The following IQCH variants were observed in gnomAD, a reference collection of about 807,000 sequenced individuals.
IQCH encodes the protein IQ domain-containing protein H.
In IQCH, 98 loss-of-function variants were observed where a neutral mutation model predicts 117.0. The ratio of observed to expected loss-of-function variants is 0.84; its 90% CI spans 0.71 to 0.99. The LOEUF (loss-of-function observed/expected upper bound fraction) is 0.99, where lower values mean the gene tolerates loss of function less well. Ranked by LOEUF, IQCH falls within the 50% of genes least tolerant of loss-of-function variation. The pLI is 0.00. For synonymous variants in IQCH, 412 were observed against 448.2 expected, an observed-to-expected ratio of 0.92 and a Z score of 1.02; for missense variants, 1,102 against 1,243.8, an observed-to-expected ratio of 0.89 and a Z score of 1.72.
chr15:67,380,383 A>G (rs573798482), intron 10 of IQCH, among the ~76,000 whole-genome samples: 30 of 152,300 alleles, frequency 2.0e-4, no homozygotes, highest in Admixed American at 2.6e-4. Flanking sequence ...TAGCCCCCCA[A>G]AAAACCAACT....
rs1411288628 is a variant in IQCH, at chr15:67,493,501, ACT to A, written c.2862-753_2862-752del. 7.2e-5 allele frequency among the ~76,000 whole-genome samples: 11 copies of A among 152,280 alleles called. No homozygotes were observed. ...ATTCTCCTCTGAACATAGGCAGGACACTCTCATTAAGTGATAGGAATCACTTG... is the reference window on the plus strand; with the variant it reads ...ATTCTCCTCTGAACATAGGCAGGACACTCATTAAGTGATAGGAATCACTTG... On this transcript the variant is annotated intron_variant, in intron 19 of 20. Coordinates refer to ENST00000335894, the MANE Select transcript of IQCH (RefSeq NM_001031715.3). This position sits in a 1 kb window ranked among gnomAD's most constrained non-coding sequence, Gnocchi z 5.1.
rs1360019473 is a variant in IQCH at position 67,388,836 on chromosome 15, A to G, written c.1462A>G (p.Asn488Asp). 6.2e-7 allele frequency: 1 copy of G among 1,612,396 alleles called. No homozygotes were observed. Among genetic ancestry groups the G allele is most frequent in the African/African-American group, 1.3e-5 (1 of 74,890 alleles). The stretch of plus-strand genomic sequence containing the variant: ...ATTGTGCCTGTTGTTTTTAGATGCC[A>G]ATGTGAATGTCATCTACATCTGCTC... ...LGRLCDILDA[N>D]VNVIYICSHH... Residue 488 changes from asparagine to aspartate, a missense_variant, in exon 12 of 21, where the codon AAT (asparagine) becomes GAT (aspartate). By Grantham distance (23) the Asn-to-Asp change is conservative. Coordinates refer to ENST00000335894, the MANE Select transcript of IQCH (RefSeq NM_001031715.3). The surrounding 1 kb of genome is among the most constrained non-coding windows in gnomAD (Gnocchi z 5.5).
rs866178149 is a variant in IQCH, at chr15:67,396,041, T to C, written c.1905+478T>C. ...TAGTCTTGCAGAAATTGCTGGAATT[T>C]CCAAACTATTTACTCATTTGGAATA... On this transcript the variant is annotated intron_variant, in intron 13 of 20. Transcript: ENST00000335894. Among the ~76,000 whole-genome samples the C allele has an allele frequency of 5.4e-4, 82 of 152,324 alleles. 1 individual carries two copies. Among genetic ancestry groups the C allele is most frequent in the African/African-American group, 1.9e-3 (77 of 41,574 alleles).
intron 10 of IQCH, among the ~76,000 whole-genome samples, chr15:67,378,839 T>C (rs1970824958): frequency 6.6e-6 from 1 of 152,118 alleles, no homozygotes; most frequent in Admixed American, 6.6e-5. Context: ...TTTACACTCA[T>C]AAAAAATATT....
chr15:67,282,542 A>T (rs570381752), intron 4 of IQCH, among the ~76,000 whole-genome samples: 2 of 152,260 alleles, frequency 1.3e-5, no homozygotes, highest in South Asian at 2.1e-4. Flanking sequence ...TTGTTGTTGT[A>T]TATCTAATAT....
chr15:67,299,694 A>G (rs11071946), intron 4 of IQCH, among the ~76,000 whole-genome samples: 151,969 of 152,264 alleles, frequency 1, 75,837 homozygotes, highest in Non-Finnish European at 1. Context: ...CAATCCCATG[A>G]TGCCATTTTA....
At chr15:67,281,798 C>G in intron 4 of IQCH, 1 of 454,344 alleles carries the variant, frequency 2.2e-6, no homozygotes, top group Non-Finnish European at 4.4e-6. Context: ...ATTTTTATTT[C>G]CTTCACAGAG....
At chr15:67,373,181 C>T (rs1175029788) in intron 9 of IQCH, among the ~76,000 whole-genome samples, 186 bp from the exon 10 acceptor site, 1 of 152,144 alleles carries the variant, frequency 6.6e-6, no homozygotes, top group Non-Finnish European at 1.5e-5. Flanking sequence ...CTCTAATCTT[C>T]CCCTGCCAGT....
intron 15 of IQCH, among the ~76,000 whole-genome samples, chr15:67,419,899 T>C (rs1246688467): frequency 1.3e-5 from 2 of 152,326 alleles, no homozygotes; most frequent in Admixed American, 1.3e-4. Context: ...ACCCAAGTAA[T>C]CTTGTAAGTT....
In IQCH at chr15:67,385,040, C is replaced by T. The variant is rs3743351; in HGVS notation, c.1456+21C>T. 46 of 1,403,040 alleles carry T rather than the reference C, an allele frequency of 3.3e-5. No homozygotes were observed. The East Asian group carries it at 1.1e-3, about 32-fold the overall frequency. The allele number at this position is 1,403,040 out of a possible 1,614,324, so 86.9% of individuals were successfully genotyped here. On this transcript the variant is annotated intron_variant, in intron 11 of 20. Transcript: ENST00000335894. The surrounding 1 kb of genome is among the most constrained non-coding windows in gnomAD (Gnocchi z 4.6). ...CTTAGGTACAGTAAATAGTTTTACA[C>T]AAATGACTCTTTGGAATGTTTATCA... is the stretch of plus-strand genomic sequence containing the variant.
chr15:67,494,208 C>A lies in IQCH; in HGVS notation c.2862-50C>A. ...AAATGAGAGGGCGATTGTTTTTAAG[C>A]ATGTGAAGGGAATCGTTGGTAAACT... On this transcript the variant is annotated intron_variant, in intron 19 of 20. Transcript: ENST00000335894. The surrounding 1 kb of genome is among the most constrained non-coding windows in gnomAD (Gnocchi z 5.5). The A allele has an allele frequency of 2.3e-6, 3 of 1,327,362 alleles. No individual in the cohort carries two copies. The highest frequency in any genetic ancestry group is 1.4e-5 in the South Asian group (1 of 71,756). 82.2% of individuals were successfully genotyped at this position (1,327,362 alleles called of 1,614,324 possible).
At chr15:67,270,642 G>T (rs1965859934) in intron 3 of IQCH, among the ~76,000 whole-genome samples, 1 of 152,126 alleles carries the variant, frequency 6.6e-6, no homozygotes. Flanking sequence ...CTCTCTTGCT[G>T]CTTCTCTCAC....
rs1596215699 is a variant in IQCH at position 67,340,441 on chromosome 15, A to AC, written c.508+3346_508+3347insC. ...TACTCCATCTCAAAAAAAAAAAAAA[A>AC]AAAAAAAAAAAAAAAAAAAAAAACA... On this transcript the variant is annotated intron_variant, in intron 5 of 20. Transcript: ENST00000335894. 6.8e-4 allele frequency among the ~76,000 whole-genome samples: 90 copies of AC among 132,318 alleles called. 2 individuals are homozygous for AC. Among genetic ancestry groups the AC allele is most frequent in the African/African-American group, 2.1e-3 (76 of 36,608 alleles). The allele number at this position is 132,318 out of a possible 152,430, so 86.8% of individuals were successfully genotyped here.
rs892499890 is a variant in IQCH at position 67,458,857 on chromosome 15, A to G, written c.2506-6270A>G. Among the ~76,000 whole-genome samples the G allele has an allele frequency of 2.0e-5, 3 of 152,260 alleles. No individual in the cohort carries two copies. Among genetic ancestry groups the G allele is most frequent in the Non-Finnish European group, 4.4e-5 (3 of 68,042 alleles). ...AGCTACTGAGCATGATGGGCCGTGT[A>G]TCACAGTTCACCCTGAAGGCTGGAT... On this transcript the variant is annotated intron_variant, in intron 16 of 20. Coordinates refer to ENST00000335894, the MANE Select transcript of IQCH (RefSeq NM_001031715.3). This position sits in a 1 kb window ranked among gnomAD's most constrained non-coding sequence, Gnocchi z 4.1.
intron 16 of IQCH, among the ~76,000 whole-genome samples, chr15:67,446,361 C>G (rs2082391133): frequency 6.6e-6 from 1 of 152,144 alleles, no homozygotes; most frequent in African/African-American, 2.4e-5. Context: ...CTAGTGTATT[C>G]TCCTGAGAGG....
chr15:67,475,591 G>C lies in IQCH; in HGVS notation c.2677-105G>C, dbSNP rs2083183009. ...AGGAGAACTGGGTGTGGGGGATATAGGAACTCTCAGAATTATCTTCGCAAT... is the reference window on the plus strand; with the variant it reads ...AGGAGAACTGGGTGTGGGGGATATACGAACTCTCAGAATTATCTTCGCAAT... On this transcript the variant is annotated intron_variant, in intron 17 of 20. Transcript: ENST00000335894. The surrounding 1 kb of genome is among the most constrained non-coding windows in gnomAD (Gnocchi z 5.7). 1 of 946,948 alleles carries C rather than the reference G, an allele frequency of 1.1e-6. No homozygotes were observed. The highest frequency in any genetic ancestry group is 2.6e-5 in the East Asian group (1 of 38,234). 58.7% of individuals were successfully genotyped at this position (946,948 alleles called of 1,614,324 possible). A position where few individuals can be genotyped will look rare whatever the true frequency, so the allele number is the denominator to read the frequency against.
rs2082673309 is a variant in IQCH at position 67,456,983 on chromosome 15, T to G, written c.2506-8144T>G. 2.6e-5 allele frequency among the ~76,000 whole-genome samples: 4 copies of G among 151,776 alleles called. No homozygotes were observed. The highest frequency in any genetic ancestry group is 2.0e-4 in the Admixed American group (3 of 15,260). On this transcript the variant is annotated intron_variant, in intron 16 of 20. Transcript: ENST00000335894. The surrounding 1 kb of genome is among the most constrained non-coding windows in gnomAD (Gnocchi z 5.1). The stretch of plus-strand genomic sequence containing the variant: ...TTTAAGTCATGCCCAAAAAGATGAG[T>G]AGGATTAACAGAGACAGAGGGGAAG...
intron 3 of IQCH, among the ~76,000 whole-genome samples, chr15:67,273,761 G>GT (rs1308643104): frequency 1.3e-5 from 2 of 152,202 alleles, no homozygotes; most frequent in South Asian, 2.1e-4. Context: ...TTACCAGTGA[G>GT]TTTTTTTACC....
chr15:67,313,055 ATACT>A (rs1385833000), intron 4 of IQCH, among the ~76,000 whole-genome samples: 3 of 152,302 alleles, frequency 2.0e-5, no homozygotes, highest in South Asian at 2.1e-4. Flanking sequence ...AACCCAGAAG[ATACT>A]TACTTAGAGG....
Sources: gnomAD v4.1 joint callset for allele counts (sites outside exome capture counted in the v4.1 genomes callset) on GRCh38, gnomAD v4.1.1 for gene constraint, Gnocchi (gnomAD v3.1) non-coding constraint, MANE v1.5 for transcripts, NCBI Gene and HGNC (gene_info 2026-07-23, HGNC 2026-07-21) for gene names.